Variants in SLC2A13 observed in about 807,000 individuals in gnomAD.
SLC2A13 encodes the protein proton myo-inositol cotransporter.
SLC2A13 carries 32 observed loss-of-function variants against 64.4 expected under a neutral mutation model. The ratio of observed to expected loss-of-function variants is 0.50; its 90% confidence interval spans 0.37 to 0.67. The LOEUF is 0.67. SLC2A13 is among the 30% of genes least tolerant of loss of function. The pLI, the probability that SLC2A13 is intolerant of heterozygous loss-of-function variation, is 0.00. For synonymous variants in SLC2A13, 338 were observed against 327.1 expected (o/e 1.03, Z -0.36); for missense variants, 743 against 829.2 (o/e 0.90, Z 1.28).
intron 3 of SLC2A13, among the ~76,000 whole-genome samples, chr12:39,968,880 T>C (rs1946587452): frequency 6.6e-6 from 1 of 151,296 alleles, no homozygotes; most frequent in South Asian, 2.1e-4. Context: ...ACATGTGCCA[T>C]GTTGGTGTGC....
intron 3 of SLC2A13, among the ~76,000 whole-genome samples, chr12:40,000,759 T>C (rs972226974): frequency 6.6e-6 from 1 of 152,224 alleles, no homozygotes; most frequent in Non-Finnish European, 1.5e-5. Flanking sequence ...CGTTTACTCA[T>C]ATGACCTCAT....
intron 4 of SLC2A13, among the ~76,000 whole-genome samples, chr12:39,892,628 G>C (rs1944642549): frequency 6.6e-6 from 1 of 152,048 alleles, no homozygotes; most frequent in Non-Finnish European, 1.5e-5. Flanking sequence ...AGATTCTTAT[G>C]AATCTGCCAC....
intron 3 of SLC2A13, among the ~76,000 whole-genome samples, chr12:39,998,998 A>T (rs1484668215): frequency 1.3e-5 from 2 of 152,170 alleles, no homozygotes; most frequent in Non-Finnish European, 2.9e-5. Flanking sequence ...GAATGGAGGG[A>T]CCAGCTGGAG....
chr12:39,861,918 G>T (rs1021673713), intron 6 of SLC2A13, among the ~76,000 whole-genome samples: 3 of 152,044 alleles, frequency 2.0e-5, no homozygotes, highest in African/African-American at 7.3e-5. Context: ...GGACGTGCAG[G>T]TCTGTTACAT....
chr12:39,831,573 G>A (rs959059100), intron 6 of SLC2A13, among the ~76,000 whole-genome samples: 3 of 152,070 alleles, frequency 2.0e-5, no homozygotes, highest in African/African-American at 7.2e-5. Flanking sequence ...TGGTGATAGG[G>A]TTTTTATGTT....
chr12:40,090,006 T>TA (rs1382594921), intron 1 of SLC2A13, among the ~76,000 whole-genome samples: 1 of 152,108 alleles, frequency 6.6e-6, no homozygotes, highest in Admixed American at 6.6e-5. Context: ...TCTTTTTTTT[T>TA]ATTGGCCAAA....
intron 7 of SLC2A13, among the ~76,000 whole-genome samples, chr12:39,769,210 A>G (rs1940471134): frequency 6.6e-6 from 1 of 152,048 alleles, no homozygotes; most frequent in African/African-American, 2.4e-5. Context: ...CATTCCATAA[A>G]CTTTTGTCAA....
At chr12:39,851,466 T>C (rs1943466821) in intron 6 of SLC2A13, among the ~76,000 whole-genome samples, 1 of 152,200 alleles carries the variant, frequency 6.6e-6, no homozygotes, top group Non-Finnish European at 1.5e-5. Context: ...CAGTGCACTT[T>C]TTTTAGTGTA....
At chr12:39,864,704 A>C (rs1469710394) in intron 6 of SLC2A13, 58 bp downstream of exon 6, 1 of 1,594,196 alleles carries the variant, frequency 6.3e-7, no homozygotes, top group Non-Finnish European at 8.5e-7. Flanking sequence ...AAAAGTTAAA[A>C]GCAAGCAAAA....
At chr12:40,101,963 C>T (rs1939165167) in intron 1 of SLC2A13, among the ~76,000 whole-genome samples, 1 of 151,842 alleles carries the variant, frequency 6.6e-6, no homozygotes, top group Admixed American at 6.6e-5. Flanking sequence ...CACCAGGTCT[C>T]GAACATACTA....
intron 6 of SLC2A13, among the ~76,000 whole-genome samples, chr12:39,855,205 C>T (rs929997278): frequency 3.9e-5 from 6 of 152,170 alleles, no homozygotes; most frequent in South Asian, 2.1e-4. Flanking sequence ...GAAGTACATA[C>T]ATTACTATTT....
intron 6 of SLC2A13, among the ~76,000 whole-genome samples, chr12:39,850,969 A>C (rs2135894200): frequency 6.6e-6 from 1 of 150,818 alleles, no homozygotes; most frequent in Non-Finnish European, 1.5e-5. Flanking sequence ...GTGCGATTTC[A>C]GCTCACTGCA....
At chr12:39,844,272 G>T (rs1266457193) in intron 6 of SLC2A13, among the ~76,000 whole-genome samples, 19 of 152,016 alleles carry the variant, frequency 1.2e-4, no homozygotes. Context: ...TCAAGGCATA[G>T]GGTAGATAGA....
chr12:40,029,548 C>T (rs547910012), intron 2 of SLC2A13, among the ~76,000 whole-genome samples: 2 of 152,264 alleles, frequency 1.3e-5, no homozygotes, highest in Admixed American at 6.5e-5. Flanking sequence ...GCTATTCTAC[C>T]TTTTAAGCTA....
intron 3 of SLC2A13, among the ~76,000 whole-genome samples, chr12:40,019,258 A>G (rs1947673069): frequency 6.6e-6 from 1 of 152,160 alleles, no homozygotes; most frequent in African/African-American, 2.4e-5. Flanking sequence ...GCTTTTTCAC[A>G]TTTTTTATAG....
chr12:39,883,600 C>T (rs1014795885), intron 4 of SLC2A13, among the ~76,000 whole-genome samples: 3 of 152,088 alleles, frequency 2.0e-5, no homozygotes, highest in African/African-American at 7.2e-5. Flanking sequence ...CATTTACTTC[C>T]TGAAAAACAC....
At chr12:39,918,940 A>G (rs543082064) in intron 4 of SLC2A13, among the ~76,000 whole-genome samples, 46 of 150,714 alleles carry the variant, frequency 3.1e-4, no homozygotes, top group Middle Eastern at 6.9e-3. Context: ...ATACACGCGC[A>G]CACACACACA....
intron 3 of SLC2A13, among the ~76,000 whole-genome samples, chr12:40,024,140 A>G (rs1291803898): frequency 6.6e-6 from 1 of 152,214 alleles, no homozygotes; most frequent in African/African-American, 2.4e-5. Flanking sequence ...CCATGACTCT[A>G]TTACACATCT....
intron 3 of SLC2A13, among the ~76,000 whole-genome samples, chr12:39,987,951 C>T (rs1193401880): frequency 6.6e-6 from 1 of 151,982 alleles, no homozygotes; most frequent in African/African-American, 2.4e-5. Context: ...AGTGAAATCC[C>T]CCACTGACCC....
Sources: gnomAD v4.1 joint callset for allele counts (sites outside exome capture counted in the v4.1 genomes callset) on GRCh38, gnomAD v4.1.1 for gene constraint, MANE v1.5 for transcripts, NCBI Gene and HGNC (gene_info 2026-07-23, HGNC 2026-07-21) for gene names.